The following CREBL2 variants were observed in gnomAD, a reference collection of about 807,000 sequenced individuals.
CREBL2 encodes cAMP-responsive element-binding protein-like 2.
Under a neutral mutation model 19.5 loss-of-function variants are expected in CREBL2, and 4 were observed. The observed-to-expected ratio is 0.20, with a 90% CI of 0.10 to 0.47. The LOEUF is 0.47. Among genes scored for constraint, CREBL2 ranks in the 20% least tolerant of loss-of-function variants. The probability of loss-of-function intolerance (pLI) is 0.98; values close to 1 mark genes in which losing one functional copy is unlikely to be tolerated. For missense variants in CREBL2, 85 were observed against 145.1 expected, an observed-to-expected ratio of 0.59 and a Z score of 2.13; for synonymous variants, 42 against 46.6, an observed-to-expected ratio of 0.90 and a Z score of 0.40.
At position 12,635,783 on chromosome 12, in the gene CREBL2, G is replaced by A. The variant is rs1566113886; in HGVS notation, c.22G>A (p.Gly8Arg). 1 of 1,609,940 alleles carries A rather than the reference G, an allele frequency of 6.2e-7. No individual in the cohort carries two copies. MDDSKVVGGKVKKPGKRG... is the reference protein window; with the variant it reads MDDSKVVRGKVKKPGKRG... ...CTTCTCTCGCTTGCTGAAGGTGGTT[G>A]GAGGCAAAGTAAAGAAGCCCGGTAA... The change falls in exon 2 of 4, where the codon GGA becomes AGA. Residue 8 changes from glycine (G) to arginine (R), a missense_variant. Gly to Arg is a moderately radical substitution (Grantham distance 125). This residue lies in a region of CREBL2 where 16 missense variants were observed against 17.0 expected (regional missense o/e 0.94). Coordinates refer to ENST00000228865, the MANE Select transcript of CREBL2 (RefSeq NM_001310.4).
chr12:12,637,809 G>A lies in CREBL2; in HGVS notation c.358+95G>A, dbSNP rs898738011. On this transcript the variant is annotated intron_variant, in intron 3 of 3. Coordinates refer to ENST00000228865, the MANE Select transcript of CREBL2 (RefSeq NM_001310.4). ...TAATCCTAGCACTTTGGGAGGCCGA[G>A]GTGGGCAGATCGCTTGAGCCCAGGA... is the stretch of plus-strand genomic sequence containing the variant. The A allele has an allele frequency of 5.3e-6, 7 of 1,324,536 alleles. No homozygotes were observed. In the African/African-American group the frequency reaches 9.0e-5, roughly 17 times the overall value. 82.0% of individuals were successfully genotyped at this position (1,324,536 alleles called of 1,614,324 possible).
intron 1 of CREBL2, among the ~76,000 whole-genome samples, chr12:12,617,248 T>C (rs939255538): frequency 6.6e-6 from 1 of 152,170 alleles, no homozygotes; most frequent in Non-Finnish European, 1.5e-5. Context: ...TATTAATCAG[T>C]GTGCTCCAGC....
chr12:12,643,608 T>G lies in CREBL2; in HGVS notation c.*1610T>G, dbSNP rs150823914. The G allele has an allele frequency of 9.9e-4, 151 of 152,282 alleles. No individual in the cohort carries two copies. Among genetic ancestry groups the G allele is most frequent in the African/African-American group, 3.4e-3 (143 of 41,540 alleles). 9.4% of individuals were successfully genotyped at this position (152,282 alleles called of 1,614,324 possible). Reference sequence around the variant, plus strand: ...AGGCCATGCATTTGAATAAAGTGCCTCCCTTAGCCTGAGCTCCTAAAGACC... The same window carrying G: ...AGGCCATGCATTTGAATAAAGTGCCGCCCTTAGCCTGAGCTCCTAAAGACC... On this transcript the variant is annotated 3_prime_UTR_variant, in exon 4 of 4. Coordinates refer to ENST00000228865, the MANE Select transcript of CREBL2 (RefSeq NM_001310.4).
intron 3 of CREBL2, 84 bp from the exon 4 acceptor site, chr12:12,641,910 A>G: frequency 1.1e-6 from 1 of 925,902 alleles, no homozygotes; most frequent in Non-Finnish European, 1.6e-6. Context: ...AAACTGAAAA[A>G]AAAAATTTAT....
At chr12:12,629,633 G>A (rs767831554) in intron 1 of CREBL2, among the ~76,000 whole-genome samples, 4 of 151,976 alleles carry the variant, frequency 2.6e-5, no homozygotes, top group Non-Finnish European at 4.4e-5. Context: ...TTTCTTGGTA[G>A]TTCAGTGTTA....
Position 12,613,383 on chromosome 12 carries a change from A to G in CREBL2, c.15+1196A>G, listed in dbSNP as rs894404910. ...CGTCTTCTGTTTCACAGTCTTTGGC[A>G]TACTCTTTACGATAGCTTTGTCCTT... is the stretch of plus-strand genomic sequence containing the variant. On this transcript the variant is annotated intron_variant, in intron 1 of 3. Coordinates refer to ENST00000228865, the MANE Select transcript of CREBL2 (RefSeq NM_001310.4). Among the ~76,000 whole-genome samples, 3 of 152,318 alleles carry G rather than the reference A, an allele frequency of 2.0e-5. No individual in the cohort carries two copies. In the South Asian group the frequency reaches 6.2e-4, roughly 32 times the overall value.
At chr12:12,630,025 T>A (rs975702071) in intron 1 of CREBL2, among the ~76,000 whole-genome samples, 1 of 152,116 alleles carries the variant, frequency 6.6e-6, no homozygotes. Context: ...TTATTGAGGA[T>A]TTTTTGCATA....
At chr12:12,617,643 C>CTTTTTTTTTTTTTTATTTTTTTTTTT (rs1945321070) in intron 1 of CREBL2, among the ~76,000 whole-genome samples, 1 of 38,716 alleles carries the variant, frequency 2.6e-5, no homozygotes, top group Non-Finnish European at 5.4e-5. Flanking sequence ...TTTAGTAATT[C>CTTTTTTTTTTTTTTATTTTTTTTTTT]TTTTTTTTTT....
chr12:12,641,238 A>G (rs1217527602), intron 3 of CREBL2, among the ~76,000 whole-genome samples: 1 of 16,304 alleles, frequency 6.1e-5, no homozygotes, highest in Non-Finnish European at 2.1e-4. Flanking sequence ...TATTATTATT[A>G]TTATTATTAT....
At chr12:12,639,269 A>G (rs1230649215) in intron 3 of CREBL2, among the ~76,000 whole-genome samples, 3 of 152,188 alleles carry the variant, frequency 2.0e-5, no homozygotes, top group Non-Finnish European at 2.9e-5. Flanking sequence ...ACATGTGCAT[A>G]TAGGTATTTG....
chr12:12,635,052 C>T (rs772737413), intron 1 of CREBL2, among the ~76,000 whole-genome samples: 10 of 151,462 alleles, frequency 6.6e-5, no homozygotes, highest in African/African-American at 9.7e-5. Context: ...ACAGAGTAAG[C>T]GAGAACCTGT....
Position 12,645,068 on chromosome 12 carries a change from TA to T in CREBL2, c.*3073del, listed in dbSNP as rs1238559857. 2 of 152,182 alleles carry T rather than the reference TA, an allele frequency of 1.3e-5. No individual in the cohort carries two copies. Among genetic ancestry groups the T allele is most frequent in the African/African-American group, 2.4e-5 (1 of 41,430 alleles). The allele number at this position is 152,182 out of a possible 1,614,324, so 9.4% of individuals were successfully genotyped here. A position where few individuals can be genotyped will look rare whatever the true frequency, so the allele number is the denominator to read the frequency against. On this transcript the variant is annotated 3_prime_UTR_variant, in exon 4 of 4. Coordinates refer to ENST00000228865, the MANE Select transcript of CREBL2 (RefSeq NM_001310.4). ...CTAAATAGGAGTTACAGAAAACTGTTAAATAGGGAAGAACTACATTAAATTT... is the reference window on the plus strand; with the variant it reads ...CTAAATAGGAGTTACAGAAAACTGTTAATAGGGAAGAACTACATTAAATTT...
At chr12:12,618,054 C>A (rs538789700) in intron 1 of CREBL2, among the ~76,000 whole-genome samples, 2 of 152,126 alleles carry the variant, frequency 1.3e-5, no homozygotes, top group Non-Finnish European at 2.9e-5. Context: ...AATGGAGTCT[C>A]CTATGTCTAC....
chr12:12,623,564 G>A (rs888641350), intron 1 of CREBL2, among the ~76,000 whole-genome samples: 32 of 152,154 alleles, frequency 2.1e-4, no homozygotes, highest in African/African-American at 7.2e-4. Flanking sequence ...AAATGCAGGG[G>A]ATGGGGTTCA....
At chr12:12,624,570 G>A (rs1014909778) in intron 1 of CREBL2, among the ~76,000 whole-genome samples, 5 of 152,214 alleles carry the variant, frequency 3.3e-5, no homozygotes, top group Non-Finnish European at 5.9e-5. Flanking sequence ...CACGGGAATC[G>A]GCCAGCTGCT....
intron 1 of CREBL2, among the ~76,000 whole-genome samples, chr12:12,635,470 T>G (rs1354390326): frequency 6.6e-6 from 1 of 152,040 alleles, no homozygotes; most frequent in Non-Finnish European, 1.5e-5. Context: ...GCTAAATAAA[T>G]AAATAAATAA....
At chr12:12,639,875 T>A (rs1320093615) in intron 3 of CREBL2, among the ~76,000 whole-genome samples, 3 of 152,006 alleles carry the variant, frequency 2.0e-5, no homozygotes, top group Non-Finnish European at 4.4e-5. Flanking sequence ...GGAGGTGGTG[T>A]AAGAACAGGG....
intron 1 of CREBL2, among the ~76,000 whole-genome samples, chr12:12,616,595 A>G (rs1460419337): frequency 6.6e-6 from 1 of 152,230 alleles, no homozygotes; most frequent in African/African-American, 2.4e-5. Flanking sequence ...CATGTCATGT[A>G]TAATACTGGA....
At chr12:12,622,369 C>T (rs1023404368) in intron 1 of CREBL2, among the ~76,000 whole-genome samples, 1 of 152,032 alleles carries the variant, frequency 6.6e-6, no homozygotes, top group Non-Finnish European at 1.5e-5. Context: ...TAAAGAGAAC[C>T]CTGGAAAACT....
Sources: gnomAD v4.1 joint callset for allele counts (sites outside exome capture counted in the v4.1 genomes callset) on GRCh38, gnomAD v4.1.1 for gene constraint, gnomAD v4.1.1 regional missense constraint, MANE v1.5 for transcripts, NCBI Gene and HGNC (gene_info 2026-07-23, HGNC 2026-07-21) for gene names.